Variants in CPLX2 observed in about 807,000 individuals in gnomAD.
The protein encoded by CPLX2 is complexin-2.
A neutral mutation model predicts 16.3 loss-of-function variants in CPLX2; 5 were observed. The ratio of observed to expected loss-of-function variants is 0.31; its 90% CI spans 0.16 to 0.64. CPLX2 has a LOEUF of 0.64. Ranked by LOEUF, CPLX2 falls within the 30% of genes least tolerant of loss-of-function variation. The pLI, the probability that CPLX2 is intolerant of heterozygous loss-of-function variation, is 0.79. For missense variants in CPLX2, 144 were observed against 181.4 expected, an observed-to-expected ratio of 0.79 and a Z score of 1.18; for synonymous variants, 89 against 73.2, an observed-to-expected ratio of 1.22 and a Z score of -1.10.
chr5:175,842,502 C>T (rs906934408), intron 2 of CPLX2, among the ~76,000 whole-genome samples: 2 of 152,254 alleles, frequency 1.3e-5, no homozygotes, highest in African/African-American at 2.4e-5. Flanking sequence ...CAAACGGCCC[C>T]GCTTCCTGAT....
At position 175,880,239 on chromosome 5, in the gene CPLX2, C is replaced by T; in HGVS notation, c.*194C>T. 1.4e-6 allele frequency: 1 copy of T among 715,128 alleles called. No individual in the cohort carries two copies. The highest frequency in any genetic ancestry group is 2.6e-6 in the Non-Finnish European group (1 of 390,556). The allele number at this position is 715,128 out of a possible 1,614,324, so 44.3% of individuals were successfully genotyped here. On this transcript the variant is annotated 3_prime_UTR_variant, in exon 4 of 4. Transcript: ENST00000393745. Reference sequence around the variant, plus strand: ...CATCCCAGGGTATCCACCTGCACCCCACTCCCAAGTAGCTTGAAAAAGGGA... The same window carrying T: ...CATCCCAGGGTATCCACCTGCACCCTACTCCCAAGTAGCTTGAAAAAGGGA...
chr5:175,801,518 C>T (rs1283595319), intron 1 of CPLX2, among the ~76,000 whole-genome samples: 1 of 152,164 alleles, frequency 6.6e-6, no homozygotes, highest in African/African-American at 2.4e-5. Flanking sequence ...GAGGGCATGG[C>T]CCAGGAGCTA....
intron 2 of CPLX2, among the ~76,000 whole-genome samples, chr5:175,832,380 A>T (rs562995941): frequency 6.6e-6 from 1 of 152,202 alleles, no homozygotes; most frequent in Non-Finnish European, 1.5e-5. Flanking sequence ...GACCTGACTT[A>T]CCTGAGGTTG....
At chr5:175,853,055 T>TA (rs1759186992) in intron 2 of CPLX2, among the ~76,000 whole-genome samples, 1 of 152,238 alleles carries the variant, frequency 6.6e-6, no homozygotes, top group Non-Finnish European at 1.5e-5. Context: ...GGCAAGACAG[T>TA]ACACGGGTTT....
intron 2 of CPLX2, among the ~76,000 whole-genome samples, chr5:175,851,388 T>C (rs1218820197): frequency 6.6e-6 from 1 of 152,024 alleles, no homozygotes; most frequent in African/African-American, 2.4e-5. Flanking sequence ...TCCTGGGTCA[T>C]AAACAGTCAC....
chr5:175,822,977 C>T lies in CPLX2; in HGVS notation c.-89+13909C>T, dbSNP rs551120260. On this transcript the variant is annotated intron_variant, in intron 2 of 4. Coordinates refer to the CPLX2 transcript ENST00000359546. ...GTTACGAATCAAGCTCCTTGAGCAA[C>T]GGAGACAAGAAACACAGGGAAAGGA... 7.7e-4 allele frequency among the ~76,000 whole-genome samples: 118 copies of T among 152,320 alleles called. 1 individual carries two copies. Among genetic ancestry groups the T allele is most frequent in the Non-Finnish European group, 7.3e-4 (50 of 68,030 alleles).
chr5:175,836,161 T>C (rs1032571444), intron 2 of CPLX2, among the ~76,000 whole-genome samples: 14 of 152,180 alleles, frequency 9.2e-5, no homozygotes, highest in South Asian at 4.1e-4. Flanking sequence ...CCATCCTGGC[T>C]AACACGGTGA....
At chr5:175,804,414 G>A (rs556154668) in intron 1 of CPLX2, among the ~76,000 whole-genome samples, 3 of 152,266 alleles carry the variant, frequency 2.0e-5, no homozygotes, top group Middle Eastern at 3.4e-3. Flanking sequence ...AGGTGATACT[G>A]GGCCTGTACC....
At chr5:175,799,544 A>ATATATTTATATATT (rs1238771061) in intron 1 of CPLX2, among the ~76,000 whole-genome samples, 1 of 94,458 alleles carries the variant, frequency 1.1e-5, no homozygotes, top group African/African-American at 4.0e-5. Flanking sequence ...AATTTCATAT[A>ATATATTTATATATT]TATATATATA....
upstream of CPLX2, among the ~76,000 whole-genome samples, chr5:175,867,080 A>C (rs1759491555): frequency 6.6e-6 from 1 of 152,162 alleles, no homozygotes; most frequent in Admixed American, 6.5e-5. Context: ...GTATCTAAAA[A>C]AATAAAATAA....
intron 2 of CPLX2, among the ~76,000 whole-genome samples, chr5:175,820,421 A>G (rs761884522): frequency 1.2e-4 from 19 of 152,112 alleles, no homozygotes; most frequent in Non-Finnish European, 2.2e-4. Flanking sequence ...CAGCCACAAC[A>G]GGCCACTGGT....
Position 175,873,358 on chromosome 5 carries a change from T to C in CPLX2, c.-89+1653T>C, listed in dbSNP as rs1172237211. On this transcript the variant is annotated intron_variant, in intron 1 of 3. Coordinates refer to ENST00000393745, the MANE Select transcript of CPLX2 (RefSeq NM_001008220.2). ...CATACTTTCAACGCACACACCCTCATGCACTCGTTGACACGTTAAATTCAA... is the reference window on the plus strand; with the variant it reads ...CATACTTTCAACGCACACACCCTCACGCACTCGTTGACACGTTAAATTCAA... Among the ~76,000 whole-genome samples the C allele has an allele frequency of 2.0e-5, 3 of 151,774 alleles. No individual in the cohort carries two copies. In the East Asian group the frequency reaches 5.8e-4, roughly 29 times the overall value.
chr5:175,846,624 T>C (rs1759048563), intron 2 of CPLX2, among the ~76,000 whole-genome samples: 1 of 152,166 alleles, frequency 6.6e-6, no homozygotes. Flanking sequence ...CAAAGAGGCT[T>C]GCTCAAGTTG....
intron 2 of CPLX2, among the ~76,000 whole-genome samples, chr5:175,863,020 G>A (rs1158508030): frequency 6.6e-6 from 1 of 152,242 alleles, no homozygotes; most frequent in Non-Finnish European, 1.5e-5. Flanking sequence ...CTGGAAGCCA[G>A]TTAGAAAGTA....
chr5:175,837,070 G>A (rs1030892392), intron 2 of CPLX2, among the ~76,000 whole-genome samples: 2 of 152,202 alleles, frequency 1.3e-5, no homozygotes, highest in Admixed American at 6.5e-5. Context: ...ACGGGGCCAA[G>A]GCTTGGTCAC....
intron 2 of CPLX2, among the ~76,000 whole-genome samples, chr5:175,856,237 A>G (rs1417419172): frequency 6.6e-6 from 1 of 152,222 alleles, no homozygotes; most frequent in Non-Finnish European, 1.5e-5. Context: ...TGTGGCTGAA[A>G]TGAGGTAGTA....
intron 2 of CPLX2, among the ~76,000 whole-genome samples, chr5:175,832,025 C>T (rs934784067): frequency 6.6e-6 from 1 of 152,186 alleles, no homozygotes; most frequent in African/African-American, 2.4e-5. Context: ...CTGGCTCTGC[C>T]CTCCATGTCT....
chr5:175,797,485 G>A lies in CPLX2; in HGVS notation c.-169+701G>A, dbSNP rs34447940. Among the ~76,000 whole-genome samples, 560 of 152,276 alleles carry A rather than the reference G, an allele frequency of 3.7e-3. 3 individuals are homozygous for A. Among genetic ancestry groups the A allele is most frequent in the Non-Finnish European group, 5.7e-3 (391 of 68,014 alleles). Reference sequence around the variant, plus strand: ...CCCGGCGGGGAGGAAGGAGTGCGCCGCCCCGTCTTCCCTCCAGACCCCCAC... The same window carrying A: ...CCCGGCGGGGAGGAAGGAGTGCGCCACCCCGTCTTCCCTCCAGACCCCCAC... On this transcript the variant is annotated intron_variant, in intron 1 of 4. Coordinates refer to the CPLX2 transcript ENST00000359546.
At chr5:175,827,400 C>T (rs1356311868) in intron 2 of CPLX2, among the ~76,000 whole-genome samples, 1 of 152,212 alleles carries the variant, frequency 6.6e-6, no homozygotes, top group Non-Finnish European at 1.5e-5. Flanking sequence ...CCTCTTCTTT[C>T]CAGCATCTGA....
Sources: allele counts gnomAD v4.1 joint callset (sites outside exome capture counted in the v4.1 genomes callset), GRCh38; gene constraint gnomAD v4.1.1; transcripts MANE v1.5; gene names NCBI Gene and HGNC (gene_info 2026-07-23, HGNC 2026-07-21).